The following GRXCR1 variants were observed in gnomAD, a reference collection of about 807,000 sequenced individuals.
The protein encoded by GRXCR1 is glutaredoxin domain-containing cysteine-rich protein 1.
A neutral mutation model predicts 27.3 loss-of-function variants in GRXCR1; 27 were observed. That is an observed-to-expected ratio of 0.99 (90% CI 0.73 to 1.37). GRXCR1 has a LOEUF of 1.37. Ranked by LOEUF, GRXCR1 falls within the 40% of genes most tolerant of loss-of-function variation. The pLI is 0.00. For synonymous variants in GRXCR1, 122 were observed against 131.1 expected (o/e 0.93, Z 0.47); for missense variants, 379 against 354.4 (o/e 1.07, Z -0.56).
chr4:42,926,230 GTTCCT>G (rs1479461216), intron 1 of GRXCR1, among the ~76,000 whole-genome samples: 2 of 151,916 alleles, frequency 1.3e-5, no homozygotes, highest in Non-Finnish European at 2.9e-5. Flanking sequence ...TTATTGTGAT[GTTCCT>G]TTCATTCTTT....
At chr4:42,894,430 G>A (rs936754399) in intron 1 of GRXCR1, among the ~76,000 whole-genome samples, 3 of 151,996 alleles carry the variant, frequency 2.0e-5, no homozygotes, top group African/African-American at 7.2e-5. Flanking sequence ...ATATCATTAT[G>A]TCGGGAATGG....
intron 1 of GRXCR1, among the ~76,000 whole-genome samples, chr4:42,903,066 G>T (rs1325006036): frequency 6.6e-6 from 1 of 152,084 alleles, no homozygotes; most frequent in African/African-American, 2.4e-5. Context: ...AACTCAGGAG[G>T]TTTCATGTGA....
chr4:42,970,408 C>A (rs954899857), intron 2 of GRXCR1, among the ~76,000 whole-genome samples: 3 of 152,158 alleles, frequency 2.0e-5, no homozygotes, highest in African/African-American at 7.2e-5. Flanking sequence ...CTCTGGCTGA[C>A]TTCTACCTGG....
chr4:43,025,394 T>A (rs1713222085), intron 3 of GRXCR1, among the ~76,000 whole-genome samples: 2 of 152,208 alleles, frequency 1.3e-5, no homozygotes, highest in Non-Finnish European at 2.9e-5. Context: ...CAATATATAT[T>A]TGTGGAATGG....
chr4:43,004,951 T>C (rs1191443270), intron 2 of GRXCR1, among the ~76,000 whole-genome samples: 1 of 152,106 alleles, frequency 6.6e-6, no homozygotes, highest in Non-Finnish European at 1.5e-5. Flanking sequence ...TTGGGAGGGT[T>C]CAGGGGTGGA....
chr4:43,005,513 G>A (rs1418536856), intron 2 of GRXCR1, among the ~76,000 whole-genome samples: 1 of 152,076 alleles, frequency 6.6e-6, no homozygotes, highest in Non-Finnish European at 1.5e-5. Flanking sequence ...GATCAGTTTT[G>A]ACAATGAGAG....
chr4:42,964,803 T>C (rs1481726261), intron 2 of GRXCR1, among the ~76,000 whole-genome samples: 1 of 152,072 alleles, frequency 6.6e-6, no homozygotes, highest in Non-Finnish European at 1.5e-5. Context: ...TGAATTATGC[T>C]ATATTGCCTC....
intron 1 of GRXCR1, among the ~76,000 whole-genome samples, chr4:42,900,826 G>C (rs1463223193): frequency 6.6e-6 from 1 of 152,150 alleles, no homozygotes; most frequent in African/African-American, 2.4e-5. Context: ...GGAGGGTCTA[G>C]AGCAGGGTCA....
At chr4:42,977,680 G>A (rs985372821) in intron 2 of GRXCR1, among the ~76,000 whole-genome samples, 2 of 151,646 alleles carry the variant, frequency 1.3e-5, no homozygotes, top group African/African-American at 4.8e-5. Flanking sequence ...TGAGTTTTTG[G>A]GTTCCTTGTA....
rs540988997 is a variant in GRXCR1 at position 42,983,521 on chromosome 4, A to G, written c.627+20387A>G. Among the ~76,000 whole-genome samples, 824 of 151,324 alleles carry G rather than the reference A, an allele frequency of 5.4e-3. 11 individuals are homozygous for G. The highest frequency in any genetic ancestry group is 0.038 in the Middle Eastern group (11 of 292). On this transcript the variant is annotated intron_variant, in intron 2 of 3. Transcript: ENST00000399770. The stretch of plus-strand genomic sequence containing the variant: ...TCCAGCTTTGTTCTTTTGGCTTAGG[A>G]TTGACTTGGCGATGCGGGCTCTTTT...
At chr4:43,014,891 T>C (rs1327794670) in intron 2 of GRXCR1, among the ~76,000 whole-genome samples, 1 of 152,164 alleles carries the variant, frequency 6.6e-6, no homozygotes, top group Non-Finnish European at 1.5e-5. Context: ...GAAGAAGTCA[T>C]AGCCCCTGAA....
chr4:42,957,206 GAA>G (rs1748024911), intron 1 of GRXCR1, among the ~76,000 whole-genome samples: 1 of 152,024 alleles, frequency 6.6e-6, no homozygotes. Context: ...TCTAAGACAA[GAA>G]GAGAAGGTAC....
intron 2 of GRXCR1, among the ~76,000 whole-genome samples, chr4:42,964,698 A>G (rs1214547565): frequency 1.3e-5 from 2 of 152,038 alleles, no homozygotes; most frequent in African/African-American, 4.8e-5. Flanking sequence ...CCTCAAGGAA[A>G]GGGATCTTTG....
chr4:43,011,811 T>C (rs1490521488), intron 2 of GRXCR1, among the ~76,000 whole-genome samples: 1 of 152,186 alleles, frequency 6.6e-6, no homozygotes, highest in Non-Finnish European at 1.5e-5. Flanking sequence ...TCTTTCTTGA[T>C]GACAGCTGGG....
intron 1 of GRXCR1, among the ~76,000 whole-genome samples, chr4:42,937,894 GAAGCA>G (rs1747496736): frequency 6.6e-6 from 1 of 151,934 alleles, no homozygotes; most frequent in Non-Finnish European, 1.5e-5. Context: ...TCCATCACCT[GAAGCA>G]TTTATCATTT....
chr4:43,027,883 G>C (rs1713305349), intron 3 of GRXCR1, among the ~76,000 whole-genome samples: 1 of 152,158 alleles, frequency 6.6e-6, no homozygotes, highest in Admixed American at 6.5e-5. Context: ...GCCGAGGTGG[G>C]TGGATCACTT....
intron 2 of GRXCR1, among the ~76,000 whole-genome samples, chr4:42,984,371 G>C (rs1019317518): frequency 6.6e-6 from 1 of 151,936 alleles, no homozygotes; most frequent in Non-Finnish European, 1.5e-5. Context: ...TCTTCATCCG[G>C]CAGTTCATCT....
intron 1 of GRXCR1, among the ~76,000 whole-genome samples, chr4:42,900,916 C>T (rs1174433331): frequency 5.9e-5 from 9 of 152,110 alleles, no homozygotes; most frequent in Admixed American, 5.2e-4. Context: ...TTCTTATTCG[C>T]GTATCACCTT....
intron 2 of GRXCR1, among the ~76,000 whole-genome samples, chr4:42,982,245 C>G (rs1350529352): frequency 6.7e-6 from 1 of 148,404 alleles, no homozygotes; most frequent in African/African-American, 2.5e-5. Flanking sequence ...GTGATATTCC[C>G]TTTCCTGTGT....
Sources: gnomAD v4.1 joint callset for allele counts (sites outside exome capture counted in the v4.1 genomes callset) on GRCh38, gnomAD v4.1.1 for gene constraint, MANE v1.5 for transcripts, NCBI Gene and HGNC (gene_info 2026-07-23, HGNC 2026-07-21) for gene names.